The following OTUD7A variants were observed in gnomAD, a reference collection of about 807,000 sequenced individuals.
The protein encoded by OTUD7A is OTU deubiquitinase 7A.
Under a neutral mutation model 65.7 loss-of-function variants are expected in OTUD7A, and 12 were observed. That is an observed-to-expected ratio of 0.18 (90% CI 0.12 to 0.30). The LOEUF (loss-of-function observed/expected upper bound fraction) is 0.30. Ranked by LOEUF, OTUD7A falls within the 10% of genes least tolerant of loss-of-function variation. The pLI, the probability that OTUD7A is intolerant of heterozygous loss-of-function variation, is 1.00. For missense variants in OTUD7A, 1,148 were observed against 1,304.8 expected (o/e 0.88, Z 1.85); for synonymous variants, 641 against 586.3 (o/e 1.09, Z -1.35).
At chr15:31,658,441 T>C (rs370240473) in intron 1 of OTUD7A, among the ~76,000 whole-genome samples, 48 of 152,224 alleles carry the variant, frequency 3.2e-4, no homozygotes, top group East Asian at 3.1e-3. Flanking sequence ...TCCGTCTTCT[T>C]TCCCGTATCC....
At chr15:31,580,208 G>C (rs754756683) in intron 3 of OTUD7A, among the ~76,000 whole-genome samples, 5 of 152,194 alleles carry the variant, frequency 3.3e-5, no homozygotes, top group Non-Finnish European at 7.3e-5. Flanking sequence ...AGGTCATTAA[G>C]TGTGGATGAA....
intron 1 of OTUD7A, among the ~76,000 whole-genome samples, chr15:31,702,409 G>A (rs941042064): frequency 8.0e-5 from 12 of 149,094 alleles, no homozygotes; most frequent in African/African-American, 2.3e-4. Flanking sequence ...AAGTGACTAC[G>A]GCAAGGTCAC....
chr15:31,543,167 T>A (rs1315902539), intron 5 of OTUD7A, among the ~76,000 whole-genome samples: 2 of 151,868 alleles, frequency 1.3e-5, no homozygotes, highest in Non-Finnish European at 3.0e-5. Flanking sequence ...AGAATAAGGA[T>A]GAATAAAACT....
At chr15:31,501,924 C>T (rs569705835) in intron 9 of OTUD7A, 85 bp from the exon 10 acceptor site, 29 of 1,427,792 alleles carry the variant, frequency 2.0e-5, no homozygotes, top group African/African-American at 4.3e-5. Flanking sequence ...TCCCTCACTA[C>T]CCCGGGGGGA....
In OTUD7A at chr15:31,683,930, A is replaced by G. The variant is rs557081058; in HGVS notation, c.-99-26853T>C. ...AAGAAACTGCATTCTTAAGCAGAAA[A>G]TTTATTTGTCCACACTCCCCTGAGG... On this transcript the variant is annotated intron_variant, in intron 1 of 12. Coordinates refer to ENST00000307050, the MANE Select transcript of OTUD7A (RefSeq NM_001382637.1). 1.2e-4 allele frequency among the ~76,000 whole-genome samples: 19 copies of G among 152,320 alleles called. No individual in the cohort carries two copies. In the South Asian group the frequency reaches 3.7e-3, roughly 30 times the overall value.
intron 1 of OTUD7A, among the ~76,000 whole-genome samples, chr15:31,833,846 T>C (rs960681031): frequency 1.5e-4 from 23 of 152,222 alleles, no homozygotes; most frequent in African/African-American, 5.3e-4. Flanking sequence ...GAATCCATCA[T>C]AAACTTGGGA....
chr15:31,606,435 GTTGT>G (rs770329731), intron 3 of OTUD7A, among the ~76,000 whole-genome samples: 1 of 152,158 alleles, frequency 6.6e-6, no homozygotes, highest in Non-Finnish European at 1.5e-5. Context: ...GGCTTTTGGA[GTTGT>G]TTAAAATAAA....
intron 1 of OTUD7A, chr15:31,765,623 T>C (rs1324356795): frequency 4.9e-6 from 3 of 614,744 alleles, no homozygotes; most frequent in Admixed American, 6.4e-5. Context: ...GGCACTACCT[T>C]ACATAATGTG....
intron 3 of OTUD7A, among the ~76,000 whole-genome samples, chr15:31,641,304 T>A (rs1891509968): frequency 6.6e-6 from 1 of 152,198 alleles, no homozygotes. Context: ...GAACTGTGAG[T>A]CAACTAAGCC....
At chr15:31,862,255 C>T (rs1897761473) in intron 1 of OTUD7A, among the ~76,000 whole-genome samples, 1 of 152,208 alleles carries the variant, frequency 6.6e-6, no homozygotes, top group Non-Finnish European at 1.5e-5. Context: ...TGTAATGATC[C>T]TGCCCAATGA....
In OTUD7A at chr15:31,722,264, C is replaced by T. The variant is rs567579932; in HGVS notation, c.-99-65187G>A. Among the ~76,000 whole-genome samples, 111 of 152,294 alleles carry T rather than the reference C, an allele frequency of 7.3e-4. 1 individual carries two copies. Among genetic ancestry groups the T allele is most frequent in the Admixed American group, 7.1e-3 (108 of 15,308 alleles). ...TCAGTCCCTCCTCACCTCAGCCACG[C>T]AGGAATGGCCCTGAAGTTTCCAAGC... On this transcript the variant is annotated intron_variant, in intron 1 of 12. Transcript: ENST00000307050.
chr15:31,699,340 A>T (rs1436684043), intron 1 of OTUD7A, among the ~76,000 whole-genome samples: 2 of 152,060 alleles, frequency 1.3e-5, no homozygotes, highest in African/African-American at 4.8e-5. Flanking sequence ...CGGCCTCCCA[A>T]AGTGCTGGGA....
intron 1 of OTUD7A, among the ~76,000 whole-genome samples, chr15:31,714,633 T>C (rs1425847453): frequency 1.3e-5 from 2 of 152,254 alleles, no homozygotes; most frequent in African/African-American, 4.8e-5. Context: ...AAACAGCCCT[T>C]ATGCAAAGCT....
chr15:31,836,424 A>T (rs576677874), intron 1 of OTUD7A, among the ~76,000 whole-genome samples: 2 of 152,228 alleles, frequency 1.3e-5, no homozygotes, highest in Non-Finnish European at 2.9e-5. Context: ...TAGATTCAGA[A>T]GATCTAAACA....
Position 31,746,196 on chromosome 15 carries a change from G to C in OTUD7A, c.-99-89119C>G, listed in dbSNP as rs548808076. On this transcript the variant is annotated intron_variant, in intron 1 of 12. Coordinates refer to ENST00000307050, the MANE Select transcript of OTUD7A (RefSeq NM_001382637.1). Reference sequence around the variant, plus strand: ...GTTTCCCCACTAGGTATTTATGCAAGAGAAATGAAAACATGTGTCTACACA... The same window carrying C: ...GTTTCCCCACTAGGTATTTATGCAACAGAAATGAAAACATGTGTCTACACA... 3.3e-5 allele frequency among the ~76,000 whole-genome samples: 5 copies of C among 152,252 alleles called. No homozygotes were observed. In the East Asian group the frequency reaches 9.7e-4, roughly 29 times the overall value.
intron 3 of OTUD7A, among the ~76,000 whole-genome samples, chr15:31,581,625 T>C (rs538617468): frequency 6.6e-6 from 1 of 152,374 alleles, no homozygotes; most frequent in Non-Finnish European, 1.5e-5. Flanking sequence ...GCTTGGGACT[T>C]GCACCCTCTG....
At chr15:31,857,390 G>GGGGGCA in intron 1 of OTUD7A, among the ~76,000 whole-genome samples, 1 of 152,158 alleles carries the variant, frequency 6.6e-6, no homozygotes, top group East Asian at 1.9e-4. Context: ...AACCCAGTGT[G>GGGGGCA]GGGGCAGGGG....
intron 3 of OTUD7A, among the ~76,000 whole-genome samples, chr15:31,580,127 G>A (rs1466757888): frequency 6.6e-6 from 1 of 152,186 alleles, no homozygotes; most frequent in Non-Finnish European, 1.5e-5. Flanking sequence ...CAGGGAGAGG[G>A]GTGTTACTGG....
rs989824981 is a variant in OTUD7A, at chr15:31,850,892, CA to C, written c.-100+19614del. Among the ~76,000 whole-genome samples, 142 of 152,188 alleles carry C rather than the reference CA, an allele frequency of 9.3e-4. 1 individual carries two copies. Among genetic ancestry groups the C allele is most frequent in the African/African-American group, 3.3e-3 (137 of 41,508 alleles). ...CAAAAATGAGGCTGCAATCCAGTGACAAAACAAAAGCAGCAGTAATTCCCCA... is the reference window on the plus strand; with the variant it reads ...CAAAAATGAGGCTGCAATCCAGTGACAAACAAAAGCAGCAGTAATTCCCCA... On this transcript the variant is annotated intron_variant, in intron 1 of 12. Coordinates refer to ENST00000307050, the MANE Select transcript of OTUD7A (RefSeq NM_001382637.1).
Sources: gnomAD v4.1 joint callset for allele counts (sites outside exome capture counted in the v4.1 genomes callset) on GRCh38, gnomAD v4.1.1 for gene constraint, MANE v1.5 for transcripts, NCBI Gene and HGNC (gene_info 2026-07-23, HGNC 2026-07-21) for gene names.